SP110: variants seen among roughly 807,000 people sequenced by gnomAD.
SP110 encodes interferon-induced protein 41, 30kD.
Under a neutral mutation model 92.7 loss-of-function variants are expected in SP110, and 62 were observed. The ratio of observed to expected loss-of-function variants is 0.67; its 90% CI spans 0.55 to 0.83. SP110 has a LOEUF of 0.83. Ranked by LOEUF, SP110 falls within the 40% of genes least tolerant of loss-of-function variation. The pLI, the probability that SP110 is intolerant of heterozygous loss-of-function variation, is 0.00. For synonymous variants in SP110, 273 were observed against 305.3 expected, an observed-to-expected ratio of 0.89 and a Z score of 1.10; for missense variants, 793 against 863.9, an observed-to-expected ratio of 0.92 and a Z score of 1.03.
At chr2:230,169,345 G>A (rs906694034) in intron 18 of SP110, 108 bp from the exon 19 acceptor site, 14 of 741,558 alleles carry the variant, frequency 1.9e-5, no homozygotes, top group South Asian at 2.8e-5. Flanking sequence ...GTCTTTCCCC[G>A]TCACCCAGGC....
chr2:230,212,816 T>C lies in SP110; in HGVS notation c.528A>G (p.Pro176=). The change falls in exon 4 of 19, where the codon CCA becomes CCG. Residue 176 remains proline, a synonymous_variant. Transcript: ENST00000258381. Reference sequence around the variant, plus strand: ...CAGGGAGAGGCAGGACAGGGTCAGATGGGCTGGGCGACTCACTCAGGATCT... The same window carrying C: ...CAGGGAGAGGCAGGACAGGGTCAGACGGGCTGGGCGACTCACTCAGGATCT... The part of the protein sequence containing the change: ...SDEILSESPS[P]SDPVLPLPAL... The C allele has an allele frequency of 6.2e-7, 1 of 1,614,040 alleles. No homozygotes were observed. Among genetic ancestry groups the C allele is most frequent in the Non-Finnish European group, 8.5e-7 (1 of 1,179,994 alleles).
At chr2:230,200,747 GAAA>G (rs201134486) in intron 10 of SP110, 135 bp downstream of exon 10, 1 of 707,396 alleles carries the variant, frequency 1.4e-6, no homozygotes, top group African/African-American at 1.9e-5. Flanking sequence ...TCTTGATTAA[GAAA>G]AAAAAATCCA....
At chr2:230,212,028 C>T (rs142125991) in intron 5 of SP110, among the ~76,000 whole-genome samples, 20 of 152,240 alleles carry the variant, frequency 1.3e-4, no homozygotes, top group Admixed American at 9.8e-4. Flanking sequence ...ATTTTGATAA[C>T]ATTGTTCTTA....
chr2:230,212,066 T>C (rs960774336), intron 5 of SP110, among the ~76,000 whole-genome samples: 1 of 152,216 alleles, frequency 6.6e-6, no homozygotes, highest in African/African-American at 2.4e-5. Flanking sequence ...AAATGAAGAA[T>C]GTTGAAACTC....
intron 14 of SP110, among the ~76,000 whole-genome samples, chr2:230,174,416 A>G (rs2041757440): frequency 1.3e-5 from 2 of 152,162 alleles, no homozygotes; most frequent in African/African-American, 4.8e-5. Flanking sequence ...AGGTTCTAGA[A>G]TCTGTCAAAT....
chr2:230,211,596 G>T lies in SP110; in HGVS notation c.668-43C>A. On this transcript the variant is annotated intron_variant, in intron 5 of 18. Coordinates refer to ENST00000258381, the MANE Select transcript of SP110 (RefSeq NM_080424.4). The surrounding 1 kb of genome is among the most constrained non-coding windows in gnomAD (Gnocchi z 4.2). ...AAGTTTTAGATCTCAGGAACAGCAAGCAGGGACCAGAATGAGGAGAAAAGA... is the reference window on the plus strand; with the variant it reads ...AAGTTTTAGATCTCAGGAACAGCAATCAGGGACCAGAATGAGGAGAAAAGA... 8.7e-7 allele frequency: 1 copy of T among 1,154,816 alleles called. No individual in the cohort carries two copies. Among genetic ancestry groups the T allele is most frequent in the Non-Finnish European group, 1.3e-6 (1 of 760,706 alleles). 71.5% of individuals were successfully genotyped at this position (1,154,816 alleles called of 1,614,324 possible). A position where few individuals can be genotyped will look rare whatever the true frequency, so the allele number is the denominator to read the frequency against.
chr2:230,223,694 G>T (rs2046001144), upstream of SP110, among the ~76,000 whole-genome samples: 1 of 152,204 alleles, frequency 6.6e-6, no homozygotes, highest in Non-Finnish European at 1.5e-5. Flanking sequence ...TTCAGAGTCA[G>T]GAATTTTGGA....
chr2:230,181,396 G>A (rs532028819), intron 12 of SP110, among the ~76,000 whole-genome samples: 12 of 152,272 alleles, frequency 7.9e-5, no homozygotes, highest in East Asian at 7.7e-4. Context: ...TGACTTTCAC[G>A]CAGTGAACAG....
In SP110 at chr2:230,172,937, T is replaced by C; in HGVS notation, c.1613A>G (p.Glu538Gly). 1 of 1,613,906 alleles carries C rather than the reference T, an allele frequency of 6.2e-7. No homozygotes were observed. The highest frequency in any genetic ancestry group is 2.2e-5 in the East Asian group (1 of 44,878). Reference sequence around the variant, plus strand: ...AAGTTGTCCCCCTTGACAGCACACCTCGCATTCATCCGAGTTTTTCCGCTG... The same window carrying C: ...AAGTTGTCCCCCTTGACAGCACACCCCGCATTCATCCGAGTTTTTCCGCTG... ...LLKRKNSDEC[E>G]VCCQGGQLLC... Residue 538 changes from glutamate (E) to glycine (G), a missense_variant, in exon 15 of 19, where the codon GAG becomes GGG. Transcript: ENST00000258381.
In SP110 at chr2:230,188,800, A is replaced by T. The variant is rs569289831; in HGVS notation, c.1130-2657T>A. 2.0e-5 allele frequency among the ~76,000 whole-genome samples: 3 copies of T among 152,306 alleles called. No homozygotes were observed. The South Asian group carries it at 6.2e-4, about 32-fold the overall frequency. On this transcript the variant is annotated intron_variant, in intron 10 of 18. Coordinates refer to ENST00000258381, the MANE Select transcript of SP110 (RefSeq NM_080424.4). ...CCACATTATTGACTTGCATGTGTTA[A>T]ACCATCCCTAAATCCCTGGGATTAA...
In SP110 at chr2:230,199,056, A is replaced by G. The variant is rs551022920; in HGVS notation, c.1129+1829T>C. Among the ~76,000 whole-genome samples the G allele has an allele frequency of 4.0e-4, 61 of 152,058 alleles. No individual in the cohort carries two copies. In the Middle Eastern group the frequency reaches 0.014, roughly 34 times the overall value. ...ACATGCTGAGGATGATGGAGCAACA[A>G]GCAAGAATAAGCCCAGGACCCTACA... On this transcript the variant is annotated intron_variant, in intron 10 of 18. Transcript: ENST00000258381.
Position 230,189,460 on chromosome 2 carries a change from G to C in SP110, c.1130-3317C>G, listed in dbSNP as rs566499686. ...TTAACCCATAAATCATTCAGGAGCA[G>C]ATTATTTAATTTCCATTTATTTGTT... On this transcript the variant is annotated intron_variant, in intron 10 of 18. Transcript: ENST00000258381. Among the ~76,000 whole-genome samples the C allele has an allele frequency of 2.6e-5, 4 of 152,262 alleles. No individual in the cohort carries two copies. In the South Asian group the frequency reaches 8.3e-4, roughly 32 times the overall value.
At chr2:230,183,469 G>T in intron 12 of SP110, 103 bp downstream of exon 12, 1 of 827,996 alleles carries the variant, frequency 1.2e-6, no homozygotes, top group South Asian at 1.3e-5. Flanking sequence ...GAACAACTTT[G>T]GAGGAGAAGG....
chr2:230,173,039 C>T, intron 14 of SP110, 80 bp from the exon 15 acceptor site: 2 of 955,604 alleles, frequency 2.1e-6, no homozygotes, highest in African/African-American at 3.2e-5. Flanking sequence ...TAGAACACAT[C>T]ATTTTTGTGT....
intron 10 of SP110, among the ~76,000 whole-genome samples, chr2:230,192,695 G>A (rs895757520): frequency 2.6e-5 from 4 of 152,116 alleles, no homozygotes; most frequent in Non-Finnish European, 5.9e-5. Flanking sequence ...CTTGGAAATG[G>A]CCATACTGCC....
At chr2:230,221,594 G>A (rs2045824829), upstream of SP110, 11 of 1,050,812 alleles carry the variant, frequency 1.0e-5, no homozygotes, top group African/African-American at 1.6e-5. Flanking sequence ...AACAGCTGAG[G>A]AGAGGGTGCA....
At chr2:230,188,815 C>T (rs745526731) in intron 10 of SP110, among the ~76,000 whole-genome samples, 1 of 152,076 alleles carries the variant, frequency 6.6e-6, no homozygotes, top group Admixed American at 6.6e-5. Flanking sequence ...TCCCTAAATC[C>T]CTGGGATTAA....
chr2:230,223,644 A>C (rs1365274829), upstream of SP110, among the ~76,000 whole-genome samples: 1 of 152,218 alleles, frequency 6.6e-6, no homozygotes, highest in Non-Finnish European at 1.5e-5. Flanking sequence ...TGGTTATCTG[A>C]CATAATTGGA....
intron 3 of SP110, 53 bp downstream of exon 3, chr2:230,214,897 C>A: frequency 6.6e-7 from 1 of 1,507,690 alleles, no homozygotes; most frequent in Non-Finnish European, 9.2e-7. Flanking sequence ...TAAACCCAGA[C>A]TTTTACCATA....
Sources: gnomAD v4.1 joint callset for allele counts (sites outside exome capture counted in the v4.1 genomes callset) on GRCh38, gnomAD v4.1.1 for gene constraint, Gnocchi (gnomAD v3.1) non-coding constraint, MANE v1.5 for transcripts, NCBI Gene and HGNC (gene_info 2026-07-23, HGNC 2026-07-21) for gene names.